Variants in ZC2HC1A observed in about 807,000 individuals in gnomAD.
ZC2HC1A encodes zinc finger C2HC domain-containing protein 1A.
ZC2HC1A carries 28 observed loss-of-function variants against 40.7 expected under a neutral mutation model. That is an observed-to-expected ratio of 0.69 (90% confidence interval 0.51 to 0.94). The LOEUF is 0.94. Ranked by LOEUF, ZC2HC1A falls within the 40% of genes least tolerant of loss-of-function variation. The pLI is 0.00. For missense variants in ZC2HC1A, 389 were observed against 386.3 expected (o/e 1.01, Z -0.06); for synonymous variants, 129 against 129.2 (o/e 1.00, Z 0.01).
chr8:78,686,342 TATC>T (rs1418511333), intron 3 of ZC2HC1A, 122 bp from the exon 4 acceptor site: 2 of 796,726 alleles, frequency 2.5e-6, no homozygotes, highest in Non-Finnish European at 3.4e-6. Flanking sequence ...TTGAGAAGGA[TATC>T]ATTTAAGGAC....
intron 5 of ZC2HC1A, among the ~76,000 whole-genome samples, chr8:78,689,737 A>G (rs1454608762): frequency 6.6e-6 from 1 of 152,134 alleles, no homozygotes; most frequent in Admixed American, 6.5e-5. Context: ...TATATTAAGA[A>G]TATTTTCTCC....
At chr8:78,710,260 C>T (rs935692282) in intron 7 of ZC2HC1A, among the ~76,000 whole-genome samples, 1 of 151,942 alleles carries the variant, frequency 6.6e-6, no homozygotes, top group Non-Finnish European at 1.5e-5. Flanking sequence ...TAACTTTTAG[C>T]CTAAGTAACA....
chr8:78,699,382 A>G (rs1810527607), intron 7 of ZC2HC1A, among the ~76,000 whole-genome samples: 1 of 152,188 alleles, frequency 6.6e-6, no homozygotes, highest in African/African-American at 2.4e-5. Context: ...TTACCACAGG[A>G]CCATTAGAAT....
At chr8:78,705,068 G>A (rs932745679) in intron 7 of ZC2HC1A, among the ~76,000 whole-genome samples, 29 of 152,062 alleles carry the variant, frequency 1.9e-4, no homozygotes, top group East Asian at 9.6e-4. Context: ...AGTGAACTTC[G>A]TTCCTGTCCG....
At chr8:78,675,137 T>G (rs1028329742) in intron 1 of ZC2HC1A, among the ~76,000 whole-genome samples, 20 of 151,678 alleles carry the variant, frequency 1.3e-4, no homozygotes, top group Admixed American at 1.3e-3. Context: ...TATATTAATT[T>G]TATTAATAAT....
intron 5 of ZC2HC1A, among the ~76,000 whole-genome samples, chr8:78,696,857 A>G (rs1810435199): frequency 6.6e-6 from 1 of 152,220 alleles, no homozygotes; most frequent in Non-Finnish European, 1.5e-5. Context: ...CCAGGAACAT[A>G]TAAAAATCTT....
chr8:78,675,593 T>A lies in ZC2HC1A; in HGVS notation c.17-194T>A, dbSNP rs552928303. 2.0e-4 allele frequency: 102 copies of A among 518,132 alleles called. 1 individual carries two copies. The East Asian group carries it at 3.0e-3, about 15-fold the overall frequency. The allele number at this position is 518,132 out of a possible 1,614,324, so 32.1% of individuals were successfully genotyped here. On this transcript the variant is annotated intron_variant, in intron 1 of 8. Coordinates refer to ENST00000263849, the MANE Select transcript of ZC2HC1A (RefSeq NM_016010.3). Reference sequence around the variant, plus strand: ...TTAAATCATGACTCCTCCATATTTATCCTGACCTTTTTCACCACTGATAAC... The same window carrying A: ...TTAAATCATGACTCCTCCATATTTAACCTGACCTTTTTCACCACTGATAAC...
intron 1 of ZC2HC1A, 159 bp from the exon 2 acceptor site, chr8:78,675,628 T>C: frequency 1.6e-6 from 1 of 616,902 alleles, no homozygotes; most frequent in Non-Finnish European, 2.7e-6. Context: ...CTAAGTATTA[T>C]GCTCCTTTTC....
At position 78,692,445 on chromosome 8, in the gene ZC2HC1A, G is replaced by A. The variant is rs1810241324; in HGVS notation, c.504+3072G>A. On this transcript the variant is annotated intron_variant, in intron 5 of 8. Coordinates refer to ENST00000263849, the MANE Select transcript of ZC2HC1A (RefSeq NM_016010.3). ...TTGACTTGACATTTTTGCTAAATAT[G>A]GATCATGTTTTCTCTTTCTTTGCTG... Among the ~76,000 whole-genome samples, 4 of 152,222 alleles carry A rather than the reference G, an allele frequency of 2.6e-5. No homozygotes were observed. In the South Asian group the frequency reaches 8.3e-4, roughly 32 times the overall value.
At chr8:78,711,318 GCA>G (rs1014429231) in intron 7 of ZC2HC1A, among the ~76,000 whole-genome samples, 36 of 152,154 alleles carry the variant, frequency 2.4e-4, no homozygotes, top group African/African-American at 7.5e-4. Flanking sequence ...CTACAAACCT[GCA>G]GTTTGTCCTG....
chr8:78,669,199 T>C (rs1297280259), intron 1 of ZC2HC1A, among the ~76,000 whole-genome samples: 1 of 152,212 alleles, frequency 6.6e-6, no homozygotes, highest in Non-Finnish European at 1.5e-5. Context: ...CCAGATATTT[T>C]AATAGACAGT....
intron 7 of ZC2HC1A, 43 bp from the exon 8 acceptor site, chr8:78,715,178 T>C: frequency 1.3e-6 from 2 of 1,550,340 alleles, no homozygotes; most frequent in Non-Finnish European, 1.8e-6. Context: ...AAATACATGC[T>C]CACTGTTCAA....
At chr8:78,692,518 C>T (rs1174160121) in intron 5 of ZC2HC1A, among the ~76,000 whole-genome samples, 1 of 152,038 alleles carries the variant, frequency 6.6e-6, no homozygotes, top group African/African-American at 2.4e-5. Context: ...TAATATATAA[C>T]AATTTCTGTT....
chr8:78,710,057 G>C (rs1024772186), intron 7 of ZC2HC1A, among the ~76,000 whole-genome samples: 1 of 152,130 alleles, frequency 6.6e-6, no homozygotes, highest in Non-Finnish European at 1.5e-5. Context: ...CTATGTTAAA[G>C]TTTATTTCAA....
chr8:78,673,308 T>G (rs1312716817), intron 1 of ZC2HC1A, among the ~76,000 whole-genome samples: 2 of 152,204 alleles, frequency 1.3e-5, no homozygotes, highest in Non-Finnish European at 2.9e-5. Context: ...GTTTATCCAG[T>G]CTATCATTGA....
intron 2 of ZC2HC1A, 97 bp from the exon 3 acceptor site, chr8:78,678,466 T>C (rs1475723259): frequency 4.8e-6 from 4 of 838,232 alleles, no homozygotes; most frequent in African/African-American, 3.5e-5. Context: ...TTTCATTTGG[T>C]CTCAGATTTT....
At chr8:78,691,065 T>G (rs541014079) in intron 5 of ZC2HC1A, among the ~76,000 whole-genome samples, 2 of 152,282 alleles carry the variant, frequency 1.3e-5, no homozygotes, top group East Asian at 3.9e-4. Flanking sequence ...CTTTTGGCTT[T>G]TATTTCTTTT....
intron 1 of ZC2HC1A, among the ~76,000 whole-genome samples, chr8:78,675,122 ATAGT>A (rs1809540243): frequency 6.6e-6 from 1 of 151,196 alleles, no homozygotes; most frequent in Admixed American, 6.6e-5. Flanking sequence ...CAGTTACATG[ATAGT>A]TATATTAATT....
intron 1 of ZC2HC1A, among the ~76,000 whole-genome samples, chr8:78,672,855 T>C (rs1049500267): frequency 6.6e-6 from 1 of 152,208 alleles, no homozygotes; most frequent in African/African-American, 2.4e-5. Context: ...AAGAAAACAT[T>C]ATAATGTGAA....
Sources: gnomAD v4.1 joint callset for allele counts (sites outside exome capture counted in the v4.1 genomes callset) on GRCh38, gnomAD v4.1.1 for gene constraint, MANE v1.5 for transcripts, NCBI Gene and HGNC (gene_info 2026-07-23, HGNC 2026-07-21) for gene names.